Variants in ZFAND3 observed in about 807,000 individuals in gnomAD.
The protein encoded by ZFAND3 is zinc finger AN1-type containing 3.
A neutral mutation model predicts 29.6 loss-of-function variants in ZFAND3; 10 were observed. The observed-to-expected ratio is 0.34, with a 90% CI of 0.21 to 0.57. The LOEUF (loss-of-function observed/expected upper bound fraction) is 0.57. Ranked by LOEUF, ZFAND3 falls within the 20% of genes least tolerant of loss-of-function variation. The pLI, the probability that ZFAND3 is intolerant of heterozygous loss-of-function variation, is 0.86. For synonymous variants in ZFAND3, 128 were observed against 112.6 expected, an observed-to-expected ratio of 1.14 and a Z score of -0.87; for missense variants, 230 against 304.5, an observed-to-expected ratio of 0.76 and a Z score of 1.82.
intron 2 of ZFAND3, among the ~76,000 whole-genome samples, chr6:38,034,038 C>G (rs79027697): frequency 6.6e-6 from 1 of 151,926 alleles, no homozygotes; most frequent in African/African-American, 2.4e-5. Flanking sequence ...ATTTTCTAAC[C>G]TTTTGTCCAT....
intron 2 of ZFAND3, among the ~76,000 whole-genome samples, chr6:38,046,923 T>C (rs1465448609): frequency 6.6e-6 from 1 of 152,156 alleles, no homozygotes; most frequent in Non-Finnish European, 1.5e-5. Flanking sequence ...GAAAGTTCAG[T>C]TGATACCCCA....
At chr6:38,069,300 T>G (rs1023908330) in intron 3 of ZFAND3, among the ~76,000 whole-genome samples, 6 of 152,256 alleles carry the variant, frequency 3.9e-5, no homozygotes, top group Admixed American at 6.5e-5. Context: ...GGGCTGGTTT[T>G]AAGTGAAATA....
chr6:38,086,602 A>G (rs2127472362), intron 4 of ZFAND3, among the ~76,000 whole-genome samples: 2 of 152,374 alleles, frequency 1.3e-5, no homozygotes, highest in Non-Finnish European at 2.9e-5. Context: ...TTCCTTGGCA[A>G]CAAACTACAA....
chr6:37,847,530 C>T (rs1244385689), intron 1 of ZFAND3, among the ~76,000 whole-genome samples: 3 of 152,106 alleles, frequency 2.0e-5, no homozygotes, highest in Non-Finnish European at 4.4e-5. Flanking sequence ...GCCGAGATCG[C>T]GCCACTGCAC....
At chr6:38,066,392 A>G (rs1406365807) in intron 3 of ZFAND3, among the ~76,000 whole-genome samples, 7 of 152,198 alleles carry the variant, frequency 4.6e-5, no homozygotes, top group Non-Finnish European at 7.3e-5. Context: ...GAGATTGCCT[A>G]TGTTGATATT....
intron 2 of ZFAND3, among the ~76,000 whole-genome samples, chr6:38,018,788 T>A (rs12660773): frequency 6.6e-6 from 1 of 152,184 alleles, no homozygotes; most frequent in Non-Finnish European, 1.5e-5. Context: ...CAAGATTATA[T>A]CTGTAAGATC....
At chr6:37,931,630 G>GACCA (rs1761598266) in intron 2 of ZFAND3, among the ~76,000 whole-genome samples, 1 of 152,080 alleles carries the variant, frequency 6.6e-6, no homozygotes. Flanking sequence ...GGAGGGAGTG[G>GACCA]ACCAAATCAT....
chr6:37,967,742 A>G (rs1426463468), intron 2 of ZFAND3, among the ~76,000 whole-genome samples: 2 of 152,174 alleles, frequency 1.3e-5, no homozygotes. Flanking sequence ...TACACATGCT[A>G]AATGATTGGT....
intron 2 of ZFAND3, among the ~76,000 whole-genome samples, chr6:37,983,786 G>A (rs1762620364): frequency 6.6e-6 from 1 of 152,184 alleles, no homozygotes; most frequent in Admixed American, 6.5e-5. Flanking sequence ...TGCTTATACA[G>A]GTTTGTAGTC....
At chr6:37,851,670 T>C (rs1764284629) in intron 1 of ZFAND3, among the ~76,000 whole-genome samples, 2 of 152,332 alleles carry the variant, frequency 1.3e-5, no homozygotes, top group Admixed American at 1.3e-4. Context: ...TTAAAATTTT[T>C]GTTCAAGAAT....
chr6:38,144,217 TAATA>T (rs1766047915), intron 5 of ZFAND3, among the ~76,000 whole-genome samples: 2 of 98,320 alleles, frequency 2.0e-5, no homozygotes, highest in East Asian at 6.5e-4. Flanking sequence ...ATATAATATA[TAATA>T]TATATATATA....
In ZFAND3 at chr6:37,999,899, A is replaced by G. The variant is rs147366626; in HGVS notation, c.113-61694A>G. On this transcript the variant is annotated intron_variant, in intron 2 of 5. Transcript: ENST00000287218. ...AACAAATATACCATACTAGTGTAAG[A>G]TATTAATGATAGGAGAAATTGGCTC... Among the ~76,000 whole-genome samples, 555 of 152,306 alleles carry G rather than the reference A, an allele frequency of 3.6e-3. 3 individuals carry two copies. The highest frequency in any genetic ancestry group is 0.014 in the Middle Eastern group (4 of 294).
At chr6:37,946,990 G>C (rs1761915023) in intron 2 of ZFAND3, among the ~76,000 whole-genome samples, 1 of 152,108 alleles carries the variant, frequency 6.6e-6, no homozygotes, top group Non-Finnish European at 1.5e-5. Flanking sequence ...GGCAGTAGTT[G>C]CACAACAACG....
Position 38,154,065 on chromosome 6 carries a change from T to G in ZFAND3, c.*1676T>G, listed in dbSNP as rs781344863. 4.1e-6 allele frequency: 4 copies of G among 985,466 alleles called. No individual in the cohort carries two copies. The highest frequency in any genetic ancestry group is 4.8e-6 in the Non-Finnish European group (4 of 829,944). 61.0% of individuals were successfully genotyped at this position (985,466 alleles called of 1,614,324 possible). ...CCGCTGCAAAATCCCCAGCCTTAAT[T>G]CTTGCTTCAGGACCCAGACCGGTGT... On this transcript the variant is annotated 3_prime_UTR_variant, in exon 6 of 6. Coordinates refer to ENST00000287218, the MANE Select transcript of ZFAND3 (RefSeq NM_021943.3).
chr6:38,007,133 T>C (rs1763064695), intron 2 of ZFAND3, among the ~76,000 whole-genome samples: 2 of 152,338 alleles, frequency 1.3e-5, no homozygotes, highest in Admixed American at 6.5e-5. Context: ...ATCATCACCA[T>C]AGAGTTATAA....
intron 1 of ZFAND3, among the ~76,000 whole-genome samples, chr6:37,915,313 G>A (rs923184129): frequency 1.3e-5 from 2 of 152,106 alleles, no homozygotes; most frequent in Admixed American, 6.5e-5. Flanking sequence ...CTGCATATTC[G>A]TATGTTCACT....
rs897988633 is a variant in ZFAND3 at position 37,888,841 on chromosome 6, T to G, written c.72-41118T>G. Among the ~76,000 whole-genome samples the G allele has an allele frequency of 1.3e-5, 2 of 152,346 alleles. 1 individual carries two copies. On this transcript the variant is annotated intron_variant, in intron 1 of 5. Coordinates refer to ENST00000287218, the MANE Select transcript of ZFAND3 (RefSeq NM_021943.3). Reference sequence around the variant, plus strand: ...TCTACTATATGGTAATTGACCTTTTTAAACAAAATTCAATTAAGTGCAAAC... The same window carrying G: ...TCTACTATATGGTAATTGACCTTTTGAAACAAAATTCAATTAAGTGCAAAC...
intron 1 of ZFAND3, among the ~76,000 whole-genome samples, chr6:37,849,427 A>G (rs1764242178): frequency 6.6e-6 from 1 of 151,996 alleles, no homozygotes. Context: ...ATTATTTTTG[A>G]GACGGAGTTT....
At position 37,819,759 on chromosome 6, in the gene ZFAND3, C is replaced by G. The variant is rs994375556; in HGVS notation, c.-187C>G. On this transcript the variant is annotated 5_prime_UTR_variant, in exon 1 of 6. Coordinates refer to ENST00000287218, the MANE Select transcript of ZFAND3 (RefSeq NM_021943.3). ...TCTCCGCAGGCCGAGTGGTGCGGCC[C>G]GCCTCCAGCTGACCGGCCTGGAATC... is the stretch of plus-strand genomic sequence containing the variant. 2 of 237,196 alleles carry G rather than the reference C, an allele frequency of 8.4e-6. No individual in the cohort carries two copies. Among genetic ancestry groups the G allele is most frequent in the African/African-American group, 4.6e-5 (2 of 43,118 alleles). 14.7% of individuals were successfully genotyped at this position (237,196 alleles called of 1,614,324 possible).
Sources: gnomAD v4.1 joint callset for allele counts (sites outside exome capture counted in the v4.1 genomes callset) on GRCh38, gnomAD v4.1.1 for gene constraint, MANE v1.5 for transcripts, NCBI Gene and HGNC (gene_info 2026-07-23, HGNC 2026-07-21) for gene names.